The following SPTBN4 variants were observed in gnomAD, a reference collection of about 807,000 sequenced individuals.
SPTBN4 encodes the protein spectrin beta chain, non-erythrocytic 4.
SPTBN4 carries 96 observed loss-of-function variants against 277.8 expected under a neutral mutation model. The ratio of observed to expected loss-of-function variants is 0.35; its 90% CI spans 0.29 to 0.41. The LOEUF is 0.41. Ranked by LOEUF, SPTBN4 falls within the 10% of genes least tolerant of loss-of-function variation. SPTBN4 has a pLI of 1.00. For synonymous variants in SPTBN4, 1,481 were observed against 1,580.3 expected, an observed-to-expected ratio of 0.94 and a Z score of 1.49; for missense variants, 3,006 against 3,595.7, an observed-to-expected ratio of 0.84 and a Z score of 4.19.
chr19:40,497,193 C>T (rs760223547), intron 6 of SPTBN4, among the ~76,000 whole-genome samples: 1 of 152,044 alleles, frequency 6.6e-6, no homozygotes, highest in Non-Finnish European at 1.5e-5. Context: ...ACCGTGTGGG[C>T]TCATCTCTTC....
At position 40,492,479 on chromosome 19, in the gene SPTBN4, T is replaced by C. The variant is rs553233158; in HGVS notation, c.496-484T>C. Among the ~76,000 whole-genome samples, 7 of 152,204 alleles carry C rather than the reference T, an allele frequency of 4.6e-5. No individual in the cohort carries two copies. In the East Asian group the frequency reaches 1.4e-3, roughly 29 times the overall value. The stretch of plus-strand genomic sequence containing the variant: ...AGCAGGTATGGAGTGGAGTGAGCTG[T>C]TGAAGATGAGGTCATCAACTTACTG... On this transcript the variant is annotated intron_variant, in intron 4 of 35. Transcript: ENST00000598249.
Position 40,502,598 on chromosome 19 carries a change from A to T in SPTBN4, c.1203+91A>T. On this transcript the variant is annotated intron_variant, in intron 10 of 35. Coordinates refer to ENST00000598249, the MANE Select transcript of SPTBN4 (RefSeq NM_020971.3). The surrounding 1 kb of genome is among the most constrained non-coding windows in gnomAD (Gnocchi z 4.9). Reference sequence around the variant, plus strand: ...CAAGGGAATCATTCACATTGTAGACATGATGGATTAGATATTCATTCTGAC... The same window carrying T: ...CAAGGGAATCATTCACATTGTAGACTTGATGGATTAGATATTCATTCTGAC... 7.0e-7 allele frequency: 1 copy of T among 1,434,018 alleles called. No individual in the cohort carries two copies. Among genetic ancestry groups the T allele is most frequent in the Non-Finnish European group, 9.5e-7 (1 of 1,056,404 alleles). 88.8% of individuals were successfully genotyped at this position (1,434,018 alleles called of 1,614,324 possible). A position where few individuals can be genotyped will look rare whatever the true frequency, so the allele number is the denominator to read the frequency against.
In SPTBN4 at chr19:40,575,818, T is replaced by A. The variant is rs942441593; in HGVS notation, c.*249T>A. On this transcript the variant is annotated 3_prime_UTR_variant, in exon 36 of 36. Coordinates refer to ENST00000598249, the MANE Select transcript of SPTBN4 (RefSeq NM_020971.3). The stretch of plus-strand genomic sequence containing the variant: ...CACCCCAGGTGCTGGGGGTCCCTTA[T>A]TTTTATGCAATAACTGAGCTTGATG... The A allele has an allele frequency of 8.2e-6, 3 of 367,586 alleles. No homozygotes were observed. The highest frequency in any genetic ancestry group is 1.5e-5 in the Non-Finnish European group (3 of 203,784). The allele number at this position is 367,586 out of a possible 1,614,324, so 22.8% of individuals were successfully genotyped here. A position where few individuals can be genotyped will look rare whatever the true frequency, so the allele number is the denominator to read the frequency against.
At chr19:40,528,479 G>T (rs67153243) in intron 17 of SPTBN4, among the ~76,000 whole-genome samples, 1 of 152,058 alleles carries the variant, frequency 6.6e-6, no homozygotes. Flanking sequence ...TCTGTCTGTC[G>T]TCTGTGGGGC....
intron 29 of SPTBN4, 145 bp downstream of exon 29, chr19:40,565,890 A>T (rs1317552723): frequency 2.1e-6 from 2 of 965,000 alleles, no homozygotes; most frequent in East Asian, 5.3e-5. Flanking sequence ...GGAAGGGTGG[A>T]CAAGGGGGCT....
Position 40,557,015 on chromosome 19 carries a change from G to A in SPTBN4, c.5290-8G>A. The A allele has an allele frequency of 7.0e-7, 1 of 1,432,810 alleles. No individual in the cohort carries two copies. The highest frequency in any genetic ancestry group is 1.4e-5 in the South Asian group (1 of 73,750). 88.8% of individuals were successfully genotyped at this position (1,432,810 alleles called of 1,614,324 possible). ...TGCTGTACCCCCCCCCCCACTTCCT[G>A]ATGGCAGGTGCTGCAGGAGAAATTC... On this transcript the variant is annotated splice_polypyrimidine_tract_variant and splice_region_variant and intron_variant, in intron 25 of 35. Coordinates refer to ENST00000598249, the MANE Select transcript of SPTBN4 (RefSeq NM_020971.3).
In SPTBN4 at chr19:40,523,457, G is replaced by T; in HGVS notation, c.3675G>T (p.Ala1225=). The T allele has an allele frequency of 6.2e-7, 1 of 1,609,202 alleles. No individual in the cohort carries two copies. ...LRNQEMALSG[A]ELPGTVESVE... is the part of the protein sequence containing the mutation. ...CCCAGGAGATGGCGCTGTCTGGTGC[G>T]GAGCTCCCGGGCACAGTGGAATCGG... Residue 1225 remains alanine (A), a synonymous_variant, in exon 17 of 36, where the codon GCG becomes GCT. Transcript: ENST00000598249.
chr19:40,556,074 C>G lies in SPTBN4; in HGVS notation c.5085-10C>G. On this transcript the variant is annotated splice_polypyrimidine_tract_variant and intron_variant, in intron 24 of 35. Transcript: ENST00000598249. ...GGGGTCCATCCCTGCCCCTCCATGT[C>G]CCCCTTCAGCGAGCAGATCAGCCGG... 6.2e-7 allele frequency: 1 copy of G among 1,606,508 alleles called. No homozygotes were observed. Among genetic ancestry groups the G allele is most frequent in the Non-Finnish European group, 8.5e-7 (1 of 1,176,490 alleles).
intron 20 of SPTBN4, among the ~76,000 whole-genome samples, chr19:40,537,595 T>C (rs2080753297): frequency 6.6e-6 from 1 of 152,032 alleles, no homozygotes; most frequent in South Asian, 2.1e-4. Context: ...AACTCCTCTC[T>C]CCTCCCCAAC....
chr19:40,540,710 A>C (rs1473440098), intron 20 of SPTBN4, among the ~76,000 whole-genome samples: 1 of 150,318 alleles, frequency 6.7e-6, no homozygotes, highest in Non-Finnish European at 1.5e-5. Context: ...GCTACTCAGA[A>C]GGCTGAAGTG....
chr19:40,557,407 G>A lies in SPTBN4; in HGVS notation c.5670+4G>A, dbSNP rs755385300. The A allele has an allele frequency of 4.5e-6, 7 of 1,548,218 alleles. No individual in the cohort carries two copies. In the East Asian group the frequency reaches 1.6e-4, roughly 35 times the overall value. Reference sequence around the variant, plus strand: ...CCTGCAGCTCCTCGTGTCCCAGGTGGGGCGCCGGTGGCCATCAGGGCAGGT... The same window carrying A: ...CCTGCAGCTCCTCGTGTCCCAGGTGAGGCGCCGGTGGCCATCAGGGCAGGT... On this transcript the variant is annotated splice_donor_region_variant and intron_variant, in intron 26 of 35. Transcript: ENST00000598249.
At position 40,503,825 on chromosome 19, in the gene SPTBN4, C is replaced by T. The variant is rs1331142547; in HGVS notation, c.1363-5C>T. The T allele has an allele frequency of 8.3e-6, 13 of 1,573,606 alleles. No homozygotes were observed. Among genetic ancestry groups the T allele is most frequent in the Non-Finnish European group, 1.1e-5 (13 of 1,156,066 alleles). Reference sequence around the variant, plus strand: ...CATGGGTGAGTGTCTGGCTCACTGCCCCAGGACAACTTTGGGTATGAGCTG... The same window carrying T: ...CATGGGTGAGTGTCTGGCTCACTGCTCCAGGACAACTTTGGGTATGAGCTG... On this transcript the variant is annotated splice_polypyrimidine_tract_variant and splice_region_variant and intron_variant, in intron 11 of 35. Transcript: ENST00000598249.
At chr19:40,513,812 C>T (rs45574041) in intron 14 of SPTBN4, among the ~76,000 whole-genome samples, 29,274 of 152,018 alleles carry the variant, frequency 0.19, 3,662 homozygotes, top group Non-Finnish European at 0.28. Flanking sequence ...ATGCAGAATA[C>T]GAAGCAAATG....
chr19:40,476,547 AT>A (rs1486667409), intron 2 of SPTBN4, among the ~76,000 whole-genome samples: 1 of 152,020 alleles, frequency 6.6e-6, no homozygotes, highest in Non-Finnish European at 1.5e-5. Context: ...GAATTCTAGA[AT>A]TTACTAATTT....
At chr19:40,489,511 C>T (rs1022614391) in intron 3 of SPTBN4, among the ~76,000 whole-genome samples, 1 of 152,054 alleles carries the variant, frequency 6.6e-6, no homozygotes, top group Non-Finnish European at 1.5e-5. Context: ...CTCATCCTCC[C>T]GAGTACCTAG....
chr19:40,469,888 C>T lies in SPTBN4; in HGVS notation c.-16+2583C>T, dbSNP rs570433658. Among the ~76,000 whole-genome samples the T allele has an allele frequency of 6.6e-3, 1,012 of 152,232 alleles. 10 individuals are homozygous for T. Among genetic ancestry groups the T allele is most frequent in the Middle Eastern group, 0.017 (5 of 294 alleles). On this transcript the variant is annotated intron_variant, in intron 1 of 35. Coordinates refer to ENST00000598249, the MANE Select transcript of SPTBN4 (RefSeq NM_020971.3). ...GGAACTCCTGACCTCAGGTGATTCA[C>T]CCACCTTGGCCTCCCAAAGTGCTGG... is the stretch of plus-strand genomic sequence containing the variant.
At position 40,523,355 on chromosome 19, in the gene SPTBN4, G is replaced by C. The variant is rs575789000; in HGVS notation, c.3655-82G>C. 51 of 1,372,462 alleles carry C rather than the reference G, an allele frequency of 3.7e-5. No homozygotes were observed. The African/African-American group carries it at 6.7e-4, about 18-fold the overall frequency. The allele number at this position is 1,372,462 out of a possible 1,614,324, so 85.0% of individuals were successfully genotyped here. A position where few individuals can be genotyped will look rare whatever the true frequency, so the allele number is the denominator to read the frequency against. On this transcript the variant is annotated intron_variant, in intron 16 of 35. Transcript: ENST00000598249. ...CTATGCTTGCAAGGTTGCGGGGAGT[G>C]GTGGCAAGCCAGGCTGGCAGCCTCT...
chr19:40,556,299 T>G lies in SPTBN4; in HGVS notation c.5289+11T>G. ...TTTGAGCATGTCTCGGTGAGCATCATTAGTAATAAGTGATACCAGGAGCTA... is the reference window on the plus strand; with the variant it reads ...TTTGAGCATGTCTCGGTGAGCATCAGTAGTAATAAGTGATACCAGGAGCTA... On this transcript the variant is annotated intron_variant, in intron 25 of 35. Transcript: ENST00000598249. 2.5e-6 allele frequency: 4 copies of G among 1,607,760 alleles called. No individual in the cohort carries two copies. Among genetic ancestry groups the G allele is most frequent in the Non-Finnish European group, 3.4e-6 (4 of 1,176,540 alleles).
chr19:40,575,618 C>T lies in SPTBN4; in HGVS notation c.*49C>T, dbSNP rs774927534. 2 of 1,557,172 alleles carry T rather than the reference C, an allele frequency of 1.3e-6. No homozygotes were observed. The highest frequency in any genetic ancestry group is 1.2e-5 in the South Asian group (1 of 86,388). On this transcript the variant is annotated 3_prime_UTR_variant, in exon 36 of 36. Coordinates refer to ENST00000598249, the MANE Select transcript of SPTBN4 (RefSeq NM_020971.3). ...CATCTCGTCTCCCCTCTTTTCCGCA[C>T]TGTGGGCACAAAGACACTTTTTCTT... is the stretch of plus-strand genomic sequence containing the variant.
Sources: gnomAD v4.1 joint callset for allele counts (sites outside exome capture counted in the v4.1 genomes callset) on GRCh38, gnomAD v4.1.1 for gene constraint, Gnocchi (gnomAD v3.1) non-coding constraint, MANE v1.5 for transcripts, NCBI Gene and HGNC (gene_info 2026-07-23, HGNC 2026-07-21) for gene names.